The following ALPP variants were observed in gnomAD, a reference collection of about 807,000 sequenced individuals.
ALPP encodes the protein alkaline phosphatase, placental type.
Under a neutral mutation model 50.7 loss-of-function variants are expected in ALPP, and 39 were observed. That is an observed-to-expected ratio of 0.77 (90% CI 0.60 to 1.00). The LOEUF is 1.00. Ranked by LOEUF, ALPP falls within the 50% of genes least tolerant of loss-of-function variation. ALPP has a pLI of 0.00. For synonymous variants in ALPP, 226 were observed against 320.3 expected, an observed-to-expected ratio of 0.71 and a Z score of 3.14; for missense variants, 550 against 746.8, an observed-to-expected ratio of 0.74 and a Z score of 3.07.
At position 232,381,355 on chromosome 2, in the gene ALPP, G is replaced by A. The variant is rs571061718; in HGVS notation, c.1297G>A (p.Glu433Lys). ...GGACGGCGCCCGGCCGGATGTTACCGAGAGCGAGAGCGGTGAGTGCCGCGG... is the reference window on the plus strand; with the variant it reads ...GGACGGCGCCCGGCCGGATGTTACCAAGAGCGAGAGCGGTGAGTGCCGCGG... ...LKDGARPDVT[E>K]SESGSPEYRQ... Residue 433 changes from glutamate to lysine, a missense_variant, in exon 10 of 11, where the codon GAG (glutamate) becomes AAG (lysine). Glu to Lys is a moderately conservative substitution (Grantham distance 56). This residue lies in a region of ALPP where 155 missense variants were observed against 167.6 expected (regional missense o/e 0.92). Coordinates refer to ENST00000392027, the MANE Select transcript of ALPP (RefSeq NM_001632.5). 183 of 1,614,012 alleles carry A rather than the reference G, an allele frequency of 1.1e-4. No individual in the cohort carries two copies. In the South Asian group the frequency reaches 2.0e-3, roughly 17 times the overall value.
At position 232,379,907 on chromosome 2, in the gene ALPP, A is replaced by ACG. The variant is rs1696674089; in HGVS notation, c.630_631dup (p.Gln211ArgfsTer11). 6.2e-7 allele frequency: 1 copy of ACG among 1,611,938 alleles called. No homozygotes were observed. Among genetic ancestry groups the ACG allele is most frequent in the Non-Finnish European group, 8.5e-7 (1 of 1,179,208 alleles). ...CCAGGAGGGGTGCCAGGACATCGCT[A>ACG]CGCAGCTCATCTCCAACATGGACAT... On this transcript the variant is annotated frameshift_variant, in exon 5 of 11. Transcript: ENST00000392027. LOFTEE classifies it high-confidence loss of function.
rs2106379369 is a variant in ALPP, at chr2:232,381,428, G to A, written c.1309+61G>A. 4 of 1,612,640 alleles carry A rather than the reference G, an allele frequency of 2.5e-6. No individual in the cohort carries two copies. In the East Asian group the frequency reaches 6.7e-5, roughly 27 times the overall value. On this transcript the variant is annotated intron_variant, in intron 10 of 10. Transcript: ENST00000392027. Reference sequence around the variant, plus strand: ...GGGTGCCAAGGATGGGGGGCTGGCGGGAAGGGGTCACCTCCTGTCTGCCTG... The same window carrying A: ...GGGTGCCAAGGATGGGGGGCTGGCGAGAAGGGGTCACCTCCTGTCTGCCTG...
rs1023122569 is a variant in ALPP, at chr2:232,378,786, C to A, written c.-17C>A. 1.2e-6 allele frequency: 2 copies of A among 1,612,918 alleles called. No homozygotes were observed. Among genetic ancestry groups the A allele is most frequent in the Non-Finnish European group, 1.7e-6 (2 of 1,179,436 alleles). ...CCCAGAATTCCTGCCTCGCCACTGTCCTGCTGCCCTCCAGACATGCTGGGG... is the reference window on the plus strand; with the variant it reads ...CCCAGAATTCCTGCCTCGCCACTGTACTGCTGCCCTCCAGACATGCTGGGG... On this transcript the variant is annotated 5_prime_UTR_variant, in exon 1 of 11. Coordinates refer to ENST00000392027, the MANE Select transcript of ALPP (RefSeq NM_001632.5).
At chr2:232,380,356 G>T in intron 6 of ALPP, 36 bp downstream of exon 6, 1 of 1,613,420 alleles carries the variant, frequency 6.2e-7, no homozygotes, top group Non-Finnish European at 8.5e-7. Flanking sequence ...GGCACAGCAG[G>T]GGGAGGGCAG....
In ALPP at chr2:232,379,089, T is replaced by A; in HGVS notation, c.193+2T>A. The A allele has an allele frequency of 6.2e-7, 1 of 1,614,022 alleles. No individual in the cohort carries two copies. The highest frequency in any genetic ancestry group is 2.2e-5 in the East Asian group (1 of 44,870). On this transcript the variant is annotated splice_donor_variant, in intron 2 of 10. Coordinates refer to ENST00000392027, the MANE Select transcript of ALPP (RefSeq NM_001632.5). LOFTEE classifies it high-confidence loss of function. ...ACCTCATCATCTTCCTGGGCGATGG[T>A]GAGTGAGCCAGGCCTTCCAGCCCTG...
At chr2:232,381,230 C>T (rs746452445) in intron 9 of ALPP, 21 bp from the exon 10 acceptor site, 11 of 1,612,190 alleles carry the variant, frequency 6.8e-6, no homozygotes, top group Non-Finnish European at 9.3e-6. Flanking sequence ...AGCTCAACCA[C>T]AGGGACCCCT....
Position 232,382,054 on chromosome 2 carries a change from A to C in ALPP, c.*259A>C. On this transcript the variant is annotated 3_prime_UTR_variant, in exon 11 of 11. Transcript: ENST00000392027. ...CCTGTGGCTGCCTGCACCCCAGGAA[A>C]GGAGGGGGCTCAGGCCATCCAGCCA... The C allele has an allele frequency of 3.2e-6, 2 of 629,904 alleles. No homozygotes were observed. Among genetic ancestry groups the C allele is most frequent in the Non-Finnish European group, 5.4e-6 (2 of 371,492 alleles). 39.0% of individuals were successfully genotyped at this position (629,904 alleles called of 1,614,324 possible). A position where few individuals can be genotyped will look rare whatever the true frequency, so the allele number is the denominator to read the frequency against.
chr2:232,379,122 C>G (rs779699370), intron 2 of ALPP, 35 bp downstream of exon 2: 1 of 1,614,140 alleles, frequency 6.2e-7, no homozygotes, highest in Admixed American at 1.7e-5. Flanking sequence ...CTGCAGCCCT[C>G]ACAGCCCCGG....
Position 232,380,389 on chromosome 2 carries a change from G to A in ALPP, c.793-31G>A, listed in dbSNP as rs374921911. 55 of 1,613,472 alleles carry A rather than the reference G, an allele frequency of 3.4e-5. No individual in the cohort carries two copies. In the African/African-American group the frequency reaches 6.1e-4, roughly 18 times the overall value. ...CAGAGGTGTGGGGCTCAGGGCTGTG[G>A]GCTGAGGCCTGGCTCTCTCCCTCCC... On this transcript the variant is annotated intron_variant, in intron 6 of 10. Coordinates refer to ENST00000392027, the MANE Select transcript of ALPP (RefSeq NM_001632.5).
At position 232,379,833 on chromosome 2, in the gene ALPP, C is replaced by G. The variant is rs755257870; in HGVS notation, c.554C>G (p.Thr185Arg). The G allele has an allele frequency of 1.2e-6, 2 of 1,613,854 alleles. No individual in the cohort carries two copies. Among genetic ancestry groups the G allele is most frequent in the Admixed American group, 1.7e-5 (1 of 60,034 alleles). Residue 185 changes from threonine to arginine, a missense_variant, in exon 5 of 11, where the codon ACG becomes AGG. By Grantham distance (71) the Thr-to-Arg change is moderately conservative (BLOSUM62 -1). Transcript: ENST00000392027. Reference sequence around the variant, plus strand: ...TCGCCAGCCGGCACCTACGCCCACACGGTGAACCGCAACTGGTACTCGGAC... The same window carrying G: ...TCGCCAGCCGGCACCTACGCCCACAGGGTGAACCGCAACTGGTACTCGGAC... ...HASPAGTYAH[T>R]VNRNWYSDAD...
chr2:232,379,431 G>A, intron 3 of ALPP, 82 bp from the exon 4 acceptor site: 1 of 1,594,912 alleles, frequency 6.3e-7, no homozygotes, highest in Non-Finnish European at 8.5e-7. Context: ...GTTAGAGGCA[G>A]TTGGAATCCC....
rs1309994541 is a variant in ALPP at position 232,381,709 on chromosome 2, G to A, written c.1522G>A (p.Ala508Thr). Residue 508 changes from alanine to threonine, a missense_variant, in exon 11 of 11, where the codon GCG becomes ACG. Around this residue, in one of 5 missense-constraint regions of ALPP, gnomAD observed 155 missense variants for 167.6 expected, o/e 0.92. Transcript: ENST00000392027. ...LAPPAGTTDA[A>T]HPGRSVVPAL... ...GCCCCCCGCCGGCACCACCGACGCCGCGCACCCGGGGCGGTCCGTGGTCCC... is the reference window on the plus strand; with the variant it reads ...GCCCCCCGCCGGCACCACCGACGCCACGCACCCGGGGCGGTCCGTGGTCCC... The A allele has an allele frequency of 6.2e-7, 1 of 1,605,538 alleles. No individual in the cohort carries two copies. The highest frequency in any genetic ancestry group is 8.5e-7 in the Non-Finnish European group (1 of 1,177,218).
rs1696722323 is a variant in ALPP, at chr2:232,381,800, C to A, written c.*5C>A. 5.1e-6 allele frequency: 8 copies of A among 1,566,658 alleles called. No homozygotes were observed. Among genetic ancestry groups the A allele is most frequent in the Admixed American group, 1.8e-5 (1 of 55,146 alleles). On this transcript the variant is annotated 3_prime_UTR_variant, in exon 11 of 11. Transcript: ENST00000392027. The stretch of plus-strand genomic sequence containing the variant: ...GAGACGGCCACTGCTCCCTGAGTGT[C>A]CCGTCCCTGGGGCTCCTGCTTCCCC...
Position 232,379,908 on chromosome 2 carries a change from C to T in ALPP, c.629C>T (p.Thr210Met), listed in dbSNP as rs750382140. 56 of 1,611,676 alleles carry T rather than the reference C, an allele frequency of 3.5e-5. No homozygotes were observed. The highest frequency in any genetic ancestry group is 2.8e-4 in the African/African-American group (21 of 74,912). Residue 210 changes from threonine to methionine, a missense_variant, in exon 5 of 11, where the codon ACG becomes ATG. This residue lies in a region of ALPP where 376 missense variants were observed against 388.5 expected (regional missense o/e 0.97). Transcript: ENST00000392027. Reference sequence around the variant, plus strand: ...CAGGAGGGGTGCCAGGACATCGCTACGCAGCTCATCTCCAACATGGACATT... The same window carrying T: ...CAGGAGGGGTGCCAGGACATCGCTATGCAGCTCATCTCCAACATGGACATT... ...ARQEGCQDIA[T>M]QLISNMDIDV... is the part of the protein sequence containing the mutation.
At position 232,381,612 on chromosome 2, in the gene ALPP, G is replaced by A. The variant is rs141662555; in HGVS notation, c.1425G>A (p.Gln475=). Residue 475 remains glutamine, a synonymous_variant, in exon 11 of 11, where the codon CAG becomes CAA. Coordinates refer to ENST00000392027, the MANE Select transcript of ALPP (RefSeq NM_001632.5). ...GPQAHLVHGV[Q]EQTFIAHVMA... is the part of the protein sequence containing the mutation. ...AGGCGCACCTGGTTCACGGCGTGCAGGAGCAGACCTTCATAGCGCACGTCA... is the reference window on the plus strand; with the variant it reads ...AGGCGCACCTGGTTCACGGCGTGCAAGAGCAGACCTTCATAGCGCACGTCA... 3.2e-5 allele frequency: 52 copies of A among 1,612,556 alleles called. No homozygotes were observed. The highest frequency in any genetic ancestry group is 4.3e-5 in the Non-Finnish European group (51 of 1,179,674).
Position 232,382,145 on chromosome 2 carries a change from C to T in ALPP, c.*350C>T, listed in dbSNP as rs866327795. Reference sequence around the variant, plus strand: ...GGGGAAAAGAAGCACCCAGACCCCGCGCCCCGCTGATCTTTGCTTCAGTCC... The same window carrying T: ...GGGGAAAAGAAGCACCCAGACCCCGTGCCCCGCTGATCTTTGCTTCAGTCC... On this transcript the variant is annotated 3_prime_UTR_variant, in exon 11 of 11. Transcript: ENST00000392027. 2.2e-5 allele frequency: 9 copies of T among 401,276 alleles called. No homozygotes were observed. Among genetic ancestry groups the T allele is most frequent in the Non-Finnish European group, 3.6e-5 (8 of 223,558 alleles). 24.9% of individuals were successfully genotyped at this position (401,276 alleles called of 1,614,324 possible). A position where few individuals can be genotyped will look rare whatever the true frequency, so the allele number is the denominator to read the frequency against.
chr2:232,379,653 G>A lies in ALPP; in HGVS notation c.450G>A (p.Glu150=). ...AGTGCAACACGACACGCGGCAACGA[G>A]GTCATCTCCGTGATGAATCGGGCCA... ...FNQCNTTRGN[E]VISVMNRAKK... The change falls in exon 4 of 11, where the codon GAG becomes GAA. Residue 150 remains glutamate (E), a synonymous_variant. Coordinates refer to ENST00000392027, the MANE Select transcript of ALPP (RefSeq NM_001632.5). The A allele has an allele frequency of 1.2e-6, 2 of 1,613,980 alleles. No homozygotes were observed. Among genetic ancestry groups the A allele is most frequent in the African/African-American group, 1.3e-5 (1 of 75,052 alleles).
At chr2:232,378,920 A>G (rs1274922835) in intron 1 of ALPP, 42 bp downstream of exon 1, 1 of 1,613,682 alleles carries the variant, frequency 6.2e-7, no homozygotes, top group Non-Finnish European at 8.5e-7. Context: ...ACACACACAC[A>G]GGGCACCCCC....
intron 9 of ALPP, 91 bp from the exon 10 acceptor site, chr2:232,381,160 C>A: frequency 6.2e-7 from 1 of 1,606,282 alleles, no homozygotes; most frequent in African/African-American, 1.4e-5. Context: ...AGGACTAAGC[C>A]CCTGACCAGG....
Sources: allele counts gnomAD v4.1 joint callset, GRCh38; gene constraint gnomAD v4.1.1; regional missense constraint gnomAD v4.1.1; transcripts MANE v1.5; gene names NCBI Gene and HGNC (gene_info 2026-07-23, HGNC 2026-07-21).